Variants in HS6ST3 observed in about 807,000 individuals in gnomAD.
The protein encoded by HS6ST3 is heparan sulfate 6-O-sulfotransferase 3.
HS6ST3 carries 12 observed loss-of-function variants against 36.7 expected under a neutral mutation model. The ratio of observed to expected loss-of-function variants is 0.33; its 90% confidence interval spans 0.21 to 0.53. HS6ST3 has a LOEUF of 0.53. Among genes scored for constraint, HS6ST3 ranks in the 20% least tolerant of loss-of-function variants. The pLI is 0.95. For missense variants in HS6ST3, 584 were observed against 640.9 expected, an observed-to-expected ratio of 0.91 and a Z score of 0.96; for synonymous variants, 240 against 257.5, an observed-to-expected ratio of 0.93 and a Z score of 0.65.
At chr13:96,151,577 T>C (rs1359410928) in intron 1 of HS6ST3, among the ~76,000 whole-genome samples, 1 of 152,232 alleles carries the variant, frequency 6.6e-6, no homozygotes, top group Non-Finnish European at 1.5e-5. Context: ...AAAACATTAC[T>C]GTAGTAATTT....
In HS6ST3 at chr13:96,331,184, A is replaced by G. The variant is rs1250944472; in HGVS notation, c.707+239615A>G. 8.5e-5 allele frequency among the ~76,000 whole-genome samples: 13 copies of G among 152,312 alleles called. No individual in the cohort carries two copies. In the East Asian group the frequency reaches 2.3e-3, roughly 27 times the overall value. The stretch of plus-strand genomic sequence containing the variant: ...GTCTGAAGCCTTCTCTCAGCTCGTC[A>G]AAGTCATTCTCCCTCCAGCTTTGTT... On this transcript the variant is annotated intron_variant, in intron 1 of 1. Coordinates refer to ENST00000376705, the MANE Select transcript of HS6ST3 (RefSeq NM_153456.4).
At chr13:96,120,425 T>C (rs538099005) in intron 1 of HS6ST3, among the ~76,000 whole-genome samples, 1 of 152,348 alleles carries the variant, frequency 6.6e-6, no homozygotes, top group Admixed American at 6.5e-5. Flanking sequence ...CTGCTTACAA[T>C]ATATTAATAA....
chr13:96,151,099 TA>T (rs914416485), intron 1 of HS6ST3, among the ~76,000 whole-genome samples: 1 of 151,890 alleles, frequency 6.6e-6, no homozygotes, highest in Non-Finnish European at 1.5e-5. Context: ...GCCAGTCCAC[TA>T]AAAAAAGACT....
At chr13:96,761,203 C>T (rs1180662935) in intron 1 of HS6ST3, among the ~76,000 whole-genome samples, 1 of 151,510 alleles carries the variant, frequency 6.6e-6, no homozygotes. Flanking sequence ...CAGGCTGGAG[C>T]TCCCTGTGAA....
intron 1 of HS6ST3, among the ~76,000 whole-genome samples, chr13:96,259,310 C>A (rs2054652919): frequency 6.6e-6 from 1 of 152,072 alleles, no homozygotes; most frequent in African/African-American, 2.4e-5. Flanking sequence ...GACATTGGAA[C>A]CTGTGGAGGA....
chr13:96,544,844 A>G (rs2056191338), intron 1 of HS6ST3, among the ~76,000 whole-genome samples: 1 of 152,206 alleles, frequency 6.6e-6, no homozygotes, highest in South Asian at 2.1e-4. Flanking sequence ...TGACTTGGGC[A>G]CTGGAGAAAA....
At chr13:96,672,483 C>CT (rs2056685813) in intron 1 of HS6ST3, among the ~76,000 whole-genome samples, 1 of 152,184 alleles carries the variant, frequency 6.6e-6, no homozygotes, top group Admixed American at 6.5e-5. Context: ...AGCCCTCCAT[C>CT]TCCAACCTCA....
At chr13:96,374,401 T>C (rs1390056651) in intron 1 of HS6ST3, among the ~76,000 whole-genome samples, 1 of 152,220 alleles carries the variant, frequency 6.6e-6, no homozygotes, top group East Asian at 1.9e-4. Flanking sequence ...CTGCTACTTA[T>C]GGTTATCTTG....
At chr13:96,132,477 G>A (rs2053981088) in intron 1 of HS6ST3, among the ~76,000 whole-genome samples, 1 of 151,578 alleles carries the variant, frequency 6.6e-6, no homozygotes, top group Non-Finnish European at 1.5e-5. Context: ...CACAATCACA[G>A]CTCACTACAG....
intron 1 of HS6ST3, among the ~76,000 whole-genome samples, chr13:96,727,160 T>G (rs935249585): frequency 1.3e-5 from 2 of 152,154 alleles, no homozygotes; most frequent in African/African-American, 4.8e-5. Context: ...TATGTGAACT[T>G]AATAAATGGA....
chr13:96,726,228 A>G lies in HS6ST3; in HGVS notation c.708-106262A>G, dbSNP rs535231710. On this transcript the variant is annotated intron_variant, in intron 1 of 1. Transcript: ENST00000376705. ...GCTGTTTTAGATCTATAGCATTTCCATATGAATTTTAGAACATCTTTACAA... is the reference window on the plus strand; with the variant it reads ...GCTGTTTTAGATCTATAGCATTTCCGTATGAATTTTAGAACATCTTTACAA... Among the ~76,000 whole-genome samples, 81 of 152,306 alleles carry G rather than the reference A, an allele frequency of 5.3e-4. 1 individual carries two copies. In the South Asian group the frequency reaches 0.012, roughly 23 times the overall value.
intron 1 of HS6ST3, among the ~76,000 whole-genome samples, chr13:96,661,543 T>A (rs1161686736): frequency 6.6e-6 from 1 of 152,178 alleles, no homozygotes; most frequent in Non-Finnish European, 1.5e-5. Flanking sequence ...CTCAGTTTTT[T>A]AATTTATTCT....
At chr13:96,298,307 T>A (rs191119908) in intron 1 of HS6ST3, among the ~76,000 whole-genome samples, 1 of 152,294 alleles carries the variant, frequency 6.6e-6, no homozygotes, top group Admixed American at 6.5e-5. Context: ...CAGATAAGCA[T>A]GGTTTGGCGT....
At chr13:96,259,366 C>T (rs1426350031) in intron 1 of HS6ST3, among the ~76,000 whole-genome samples, 2 of 152,154 alleles carry the variant, frequency 1.3e-5, no homozygotes, top group African/African-American at 4.8e-5. Flanking sequence ...GCTCCCCTGA[C>T]TGTCATAGGA....
chr13:96,628,427 G>A (rs939200685), intron 1 of HS6ST3, among the ~76,000 whole-genome samples: 1 of 151,226 alleles, frequency 6.6e-6, no homozygotes, highest in Non-Finnish European at 1.5e-5. Context: ...GGCCTCTTCT[G>A]GACAATTTTT....
At chr13:96,599,937 C>A (rs1436393106) in intron 1 of HS6ST3, among the ~76,000 whole-genome samples, 1 of 151,918 alleles carries the variant, frequency 6.6e-6, no homozygotes, top group African/African-American at 2.4e-5. Flanking sequence ...TATTTGTATA[C>A]TTTTGTGAGT....
In HS6ST3 at chr13:96,091,468, C is replaced by T. The variant is rs1224671054; in HGVS notation, c.606C>T (p.Thr202=). The part of the protein sequence containing the change: ...KETWLFSRFS[T]GWSCGLHADW... ...CGTGGCTCTTCTCCCGCTTCTCCAC[C>T]GGCTGGAGCTGCGGGCTGCACGCCG... The change falls in exon 1 of 2, where the codon ACC becomes ACT. Residue 202 remains threonine, a synonymous_variant. Transcript: ENST00000376705. The T allele has an allele frequency of 1.2e-6, 2 of 1,608,124 alleles. No individual in the cohort carries two copies. Among genetic ancestry groups the T allele is most frequent in the South Asian group, 1.1e-5 (1 of 90,266 alleles).
intron 1 of HS6ST3, among the ~76,000 whole-genome samples, chr13:96,628,827 ATGTG>A (rs143706987): frequency 1.3e-5 from 2 of 149,696 alleles, no homozygotes; most frequent in East Asian, 3.9e-4. Context: ...GTGTGTGTGC[ATGTG>A]TGTGTGTGTG....
chr13:96,514,189 A>G, intron 1 of HS6ST3, among the ~76,000 whole-genome samples: 1 of 152,112 alleles, frequency 6.6e-6, no homozygotes, highest in East Asian at 1.9e-4. Flanking sequence ...GTAGGAATCA[A>G]TTGTCATAAC....
Sources: allele counts gnomAD v4.1 joint callset (sites outside exome capture counted in the v4.1 genomes callset), GRCh38; gene constraint gnomAD v4.1.1; transcripts MANE v1.5; gene names NCBI Gene and HGNC (gene_info 2026-07-23, HGNC 2026-07-21).